UBE3C: variants seen among roughly 807,000 people sequenced by gnomAD.
UBE3C encodes ubiquitin protein ligase E3C, also known as ubiquitin-protein ligase E3C.
A neutral mutation model predicts 129.4 loss-of-function variants in UBE3C; 42 were observed. That is an observed-to-expected ratio of 0.32 (90% CI 0.25 to 0.42). The LOEUF (loss-of-function observed/expected upper bound fraction) is 0.42. UBE3C is among the 10% of genes least tolerant of loss of function. The pLI is 1.00. For missense variants in UBE3C, 1,049 were observed against 1,319.1 expected (o/e 0.80, Z 3.17); for synonymous variants, 510 against 492.4 (o/e 1.04, Z -0.47).
intron 17 of UBE3C, among the ~76,000 whole-genome samples, chr7:157,230,100 G>T (rs1459208756): frequency 6.6e-6 from 1 of 151,434 alleles, no homozygotes; most frequent in Admixed American, 6.6e-5. Flanking sequence ...GTAGGGATGG[G>T]GTTTCACCAT....
At chr7:157,267,126 T>A (rs1563082076) in intron 22 of UBE3C, among the ~76,000 whole-genome samples, 1 of 152,082 alleles carries the variant, frequency 6.6e-6, no homozygotes, top group African/African-American at 2.4e-5. Flanking sequence ...TGTAATTTTT[T>A]AAAAAAGCAA....
chr7:157,220,906 T>A, intron 15 of UBE3C, 130 bp downstream of exon 15: 1 of 1,119,994 alleles, frequency 8.9e-7, no homozygotes, highest in Non-Finnish European at 1.2e-6. Context: ...AGCTACCATG[T>A]AGAAAAGTTT....
Position 157,186,819 on chromosome 7 carries a change from TC to T in UBE3C, c.1144-14del, listed in dbSNP as rs1808818799. On this transcript the variant is annotated splice_polypyrimidine_tract_variant and intron_variant, in intron 9 of 22. Coordinates refer to ENST00000348165, the MANE Select transcript of UBE3C (RefSeq NM_014671.3). ...GAGCACATTTATGGAGACTGGTTGTTCTGGTATGTTCTAGGAGGATGGCAGA... is the reference window on the plus strand; with the variant it reads ...GAGCACATTTATGGAGACTGGTTGTTTGGTATGTTCTAGGAGGATGGCAGA... The T allele has an allele frequency of 6.2e-7, 1 of 1,612,944 alleles. No individual in the cohort carries two copies. Among genetic ancestry groups the T allele is most frequent in the African/African-American group, 1.3e-5 (1 of 75,030 alleles).
intron 2 of UBE3C, among the ~76,000 whole-genome samples, chr7:157,168,094 G>A (rs978473775): frequency 6.6e-6 from 1 of 151,912 alleles, no homozygotes; most frequent in African/African-American, 2.4e-5. Context: ...GCTCATGCCT[G>A]TAATCTCAGC....
intron 19 of UBE3C, among the ~76,000 whole-genome samples, chr7:157,250,397 G>A (rs1397580886): frequency 6.6e-6 from 1 of 152,036 alleles, no homozygotes; most frequent in Admixed American, 6.6e-5. Flanking sequence ...GTGTTACCCA[G>A]GTTGATCTCA....
chr7:157,139,538 C>T (rs1046326541), intron 1 of UBE3C, among the ~76,000 whole-genome samples, 200 bp downstream of exon 1: 6 of 151,854 alleles, frequency 4.0e-5, no homozygotes, highest in Non-Finnish European at 5.9e-5. Flanking sequence ...GACTCGGAGC[C>T]GAGACTTGGG....
chr7:157,182,617 C>G (rs565236869), intron 8 of UBE3C, among the ~76,000 whole-genome samples: 55 of 152,310 alleles, frequency 3.6e-4, no homozygotes, highest in African/African-American at 1.3e-3. Flanking sequence ...GTTTCCCTCC[C>G]TCTGCTAAAT....
In UBE3C at chr7:157,154,005, A is replaced by G. The variant is rs111284106; in HGVS notation, c.67-9805A>G. Among the ~76,000 whole-genome samples, 910 of 149,596 alleles carry G rather than the reference A, an allele frequency of 6.1e-3. 5 individuals carry two copies. The highest frequency in any genetic ancestry group is 0.012 in the African/African-American group (496 of 39,934). The stretch of plus-strand genomic sequence containing the variant: ...GAGCGAGGCCCTGTCTGGGGGGGGA[A>G]AAGTTAACTTTTTCTGTTTAAAAAA... On this transcript the variant is annotated intron_variant, in intron 1 of 22. Coordinates refer to ENST00000348165, the MANE Select transcript of UBE3C (RefSeq NM_014671.3).
chr7:157,139,677 C>A (rs1807375571), intron 1 of UBE3C, among the ~76,000 whole-genome samples: 1 of 152,252 alleles, frequency 6.6e-6, no homozygotes, highest in Non-Finnish European at 1.5e-5. Flanking sequence ...TGGCTCCCTT[C>A]CATGCAGGAG....
chr7:157,164,025 G>A (rs1341271460), intron 2 of UBE3C, among the ~76,000 whole-genome samples, 162 bp downstream of exon 2: 1 of 152,140 alleles, frequency 6.6e-6, no homozygotes, highest in Non-Finnish European at 1.5e-5. Context: ...TCTGGAGCCG[G>A]TGTAGAAAGA....
Position 157,163,838 on chromosome 7 carries a change from C to T in UBE3C, c.95C>T (p.Thr32Ile). The change falls in exon 2 of 23, where the codon ACT (threonine) becomes ATT (isoleucine). Residue 32 changes from threonine (T) to isoleucine (I), a missense_variant. Transcript: ENST00000348165. ...KEEKASLLHR[T>I]QEERRKREEE... ...GAAAAGGCTTCTCTTTTACATCGTA[C>T]TCAGGAAGAAAGAAGAAAGAGAGAG... The T allele has an allele frequency of 6.2e-7, 1 of 1,613,488 alleles. No individual in the cohort carries two copies. Among genetic ancestry groups the T allele is most frequent in the Non-Finnish European group, 8.5e-7 (1 of 1,179,726 alleles).
At chr7:157,260,921 T>A (rs1312564159) in intron 22 of UBE3C, among the ~76,000 whole-genome samples, 1 of 152,152 alleles carries the variant, frequency 6.6e-6, no homozygotes, top group African/African-American at 2.4e-5. Context: ...CCGTGATGCC[T>A]CCGGGTTCGT....
intron 1 of UBE3C, among the ~76,000 whole-genome samples, chr7:157,141,364 T>G (rs1281517032): frequency 6.6e-6 from 1 of 152,114 alleles, no homozygotes; most frequent in African/African-American, 2.4e-5. Flanking sequence ...TTCATTACAG[T>G]CATATGTGAC....
At chr7:157,164,593 C>G in intron 2 of UBE3C, 1 of 365,458 alleles carries the variant, frequency 2.7e-6, no homozygotes, top group South Asian at 2.0e-5. Flanking sequence ...GTGATAGTTT[C>G]TTTAAATAGC....
intron 1 of UBE3C, among the ~76,000 whole-genome samples, chr7:157,153,997 G>C (rs949412845): frequency 2.0e-5 from 3 of 151,016 alleles, no homozygotes; most frequent in African/African-American, 4.9e-5. Flanking sequence ...GCCCTGTCTG[G>C]GGGGGGAAAA....
chr7:157,255,158 C>CA (rs139867841), intron 21 of UBE3C, among the ~76,000 whole-genome samples: 6,906 of 151,282 alleles, frequency 0.046, 372 homozygotes, highest in African/African-American at 0.12. Context: ...CGTACATGGG[C>CA]AAAAAAAACC....
intron 4 of UBE3C, among the ~76,000 whole-genome samples, chr7:157,171,724 T>A (rs1417513212): frequency 1.2e-5 from 1 of 82,168 alleles, no homozygotes; most frequent in African/African-American, 4.9e-5. Context: ...TTTTTTTTTT[T>A]GAGACAGAGT....
intron 2 of UBE3C, among the ~76,000 whole-genome samples, chr7:157,164,225 T>C (rs1181688194): frequency 1.3e-5 from 2 of 152,092 alleles, no homozygotes; most frequent in Admixed American, 6.6e-5. Context: ...AGTGGCAAGA[T>C]CATAGCTCAC....
intron 22 of UBE3C, among the ~76,000 whole-genome samples, chr7:157,262,409 C>CTTTTTTTTTTTTTTTTTTTT (rs371300314): frequency 5.6e-5 from 3 of 54,038 alleles, no homozygotes; most frequent in African/African-American, 1.5e-4. Flanking sequence ...TCTTCATAGG[C>CTTTTTTTTTTTTTTTTTTTT]TTTTTTTTTT....
Sources: allele counts gnomAD v4.1 joint callset (sites outside exome capture counted in the v4.1 genomes callset), GRCh38; gene constraint gnomAD v4.1.1; transcripts MANE v1.5; gene names NCBI Gene and HGNC (gene_info 2026-07-23, HGNC 2026-07-21).